Variants in TNR observed in about 807,000 individuals in gnomAD.
TNR encodes the protein tenascin-R.
In TNR, 45 loss-of-function variants were observed where a neutral mutation model predicts 150.4. The ratio of observed to expected loss-of-function variants is 0.30; its 90% confidence interval spans 0.24 to 0.38. TNR has a LOEUF of 0.38. TNR is among the 10% of genes least tolerant of loss of function. The probability of loss-of-function intolerance (pLI) is 1.00; values close to 1 mark genes in which losing one functional copy is unlikely to be tolerated. For synonymous variants in TNR, 687 were observed against 678.4 expected, an observed-to-expected ratio of 1.01 and a Z score of -0.20; for missense variants, 1,544 against 1,759.1, an observed-to-expected ratio of 0.88 and a Z score of 2.19.
At chr1:175,559,979 T>C (rs1436779397) in intron 1 of TNR, among the ~76,000 whole-genome samples, 4 of 152,252 alleles carry the variant, frequency 2.6e-5, no homozygotes, top group Non-Finnish European at 5.9e-5. Context: ...GATGATTGCC[T>C]CTTTTGTCCT....
intron 2 of TNR, among the ~76,000 whole-genome samples, chr1:175,489,544 C>G (rs923980311): frequency 6.6e-6 from 1 of 152,162 alleles, no homozygotes; most frequent in Non-Finnish European, 1.5e-5. Context: ...CCTGGGGAGA[C>G]CATGTAACCT....
chr1:175,491,754 G>A (rs1343690788), intron 2 of TNR, among the ~76,000 whole-genome samples: 2 of 147,334 alleles, frequency 1.4e-5, no homozygotes, highest in Admixed American at 7.0e-5. Context: ...GGTTCACGCC[G>A]TTCTCCTGCC....
chr1:175,529,089 G>A (rs951135875), intron 1 of TNR, among the ~76,000 whole-genome samples: 3 of 152,180 alleles, frequency 2.0e-5, no homozygotes, highest in East Asian at 1.9e-4. Flanking sequence ...GGGGTCCTAC[G>A]CAGATCTTCA....
chr1:175,526,071 G>A (rs140986159), intron 2 of TNR, among the ~76,000 whole-genome samples: 294 of 152,038 alleles, frequency 1.9e-3, no homozygotes, highest in African/African-American at 6.7e-3. Flanking sequence ...TCTGACGGAA[G>A]GGTATTAAGT....
chr1:175,470,636 C>A (rs1485718801), intron 2 of TNR, among the ~76,000 whole-genome samples: 1 of 152,114 alleles, frequency 6.6e-6, no homozygotes, highest in East Asian at 1.9e-4. Flanking sequence ...TTCAAACATT[C>A]TCTGAGTTGC....
intron 2 of TNR, among the ~76,000 whole-genome samples, chr1:175,434,212 G>A (rs1331933828): frequency 6.6e-6 from 1 of 152,156 alleles, no homozygotes; most frequent in African/African-American, 2.4e-5. Context: ...GAGAGCAGGC[G>A]TGAGGCAGAG....
At chr1:175,342,236 C>T (rs745488965) in intron 18 of TNR, among the ~76,000 whole-genome samples, 62 of 152,034 alleles carry the variant, frequency 4.1e-4, no homozygotes, top group Non-Finnish European at 5.9e-4. Context: ...TGGATGTGGG[C>T]GTGCAATGAT....
At chr1:175,554,172 C>T (rs1265672700) in intron 1 of TNR, among the ~76,000 whole-genome samples, 1 of 152,126 alleles carries the variant, frequency 6.6e-6, no homozygotes. Flanking sequence ...CAGAGCTCTG[C>T]ATTGCCAGAC....
chr1:175,677,095 G>A (rs1665887900), intron 1 of TNR, among the ~76,000 whole-genome samples: 1 of 152,196 alleles, frequency 6.6e-6, no homozygotes. Context: ...CCCTTGCTGG[G>A]CTACTGTTCA....
At chr1:175,717,360 G>T (rs1667183070) in intron 1 of TNR, among the ~76,000 whole-genome samples, 1 of 152,122 alleles carries the variant, frequency 6.6e-6, no homozygotes, top group African/African-American at 2.4e-5. Flanking sequence ...TGGGTGATGA[G>T]ATTAATCATA....
At chr1:175,331,050 T>TTTCTTTCTTTCTTTCCTTCC (rs1649782749) in intron 20 of TNR, among the ~76,000 whole-genome samples, 5 of 95,762 alleles carry the variant, frequency 5.2e-5, no homozygotes, top group African/African-American at 2.1e-4. Flanking sequence ...TCTTTCTTTC[T>TTTCTTTCTTTCTTTCCTTCC]TTCTTTCTTT....
At chr1:175,414,549 G>T (rs1654351786) in intron 2 of TNR, among the ~76,000 whole-genome samples, 1 of 152,200 alleles carries the variant, frequency 6.6e-6, no homozygotes, top group African/African-American at 2.4e-5. Context: ...CTCCACTCCA[G>T]CTTCCTTATC....
At chr1:175,458,442 C>A (rs889596946) in intron 2 of TNR, among the ~76,000 whole-genome samples, 1 of 152,176 alleles carries the variant, frequency 6.6e-6, no homozygotes, top group Admixed American at 6.5e-5. Context: ...CAAACATATA[C>A]ACAAGCTAAA....
chr1:175,567,663 G>A lies in TNR; in HGVS notation c.-164-39294C>T, dbSNP rs78152150. Among the ~76,000 whole-genome samples the A allele has an allele frequency of 1.7e-3, 257 of 152,240 alleles. 3 individuals are homozygous for A. In the East Asian group the frequency reaches 0.041, roughly 24 times the overall value. On this transcript the variant is annotated intron_variant, in intron 1 of 22. Transcript: ENST00000367674. ...GAAGAGAGTGGGGAGTGAGAAGGAG[G>A]AACCTGGGACCTCTGCCCCTGTATG...
chr1:175,331,777 A>G (rs982708014), intron 20 of TNR, among the ~76,000 whole-genome samples: 1 of 152,192 alleles, frequency 6.6e-6, no homozygotes, highest in Non-Finnish European at 1.5e-5. Flanking sequence ...ATTTAGAATC[A>G]AACAATTGCA....
Position 175,365,090 on chromosome 1 carries a change from G to A in TNR, c.2507C>T (p.Pro836Leu). 1 of 1,614,078 alleles carries A rather than the reference G, an allele frequency of 6.2e-7. No homozygotes were observed. Residue 836 changes from proline to leucine, a missense_variant, in exon 12 of 23, where the codon CCA becomes CTA. Physicochemically the swap from Pro to Leu is moderately conservative, Grantham distance 98. This residue lies in a region of TNR where 1,254 missense variants were observed against 1,329.4 expected (regional missense o/e 0.94). Coordinates refer to ENST00000367674, the MANE Select transcript of TNR (RefSeq NM_003285.3). ...AAGGTTCACAATATACTCTGTGGCT[G>A]GTTGCAGGCCCATCAGGACAGCATG... ...KRHAVLMGLQPATEYIVNLVA... is the reference protein window; with the variant it reads ...KRHAVLMGLQLATEYIVNLVA...
intron 2 of TNR, among the ~76,000 whole-genome samples, chr1:175,462,079 C>G (rs16848469): frequency 0.043 from 6,482 of 152,280 alleles, 230 homozygotes; most frequent in African/African-American, 0.096. Context: ...ATCCCAGGAC[C>G]TAAAATGCAA....
At chr1:175,392,721 T>C (rs919597167) in intron 6 of TNR, among the ~76,000 whole-genome samples, 3 of 152,170 alleles carry the variant, frequency 2.0e-5, no homozygotes, top group Non-Finnish European at 4.4e-5. Context: ...CATACAGATT[T>C]AGTGAACAGA....
intron 2 of TNR, among the ~76,000 whole-genome samples, chr1:175,527,353 G>A (rs1410339303): frequency 1.3e-5 from 2 of 152,168 alleles, no homozygotes; most frequent in African/African-American, 2.4e-5. Context: ...TGCCACTGAG[G>A]GTGTTCTGGG....
Sources: allele counts gnomAD v4.1 joint callset (sites outside exome capture counted in the v4.1 genomes callset), GRCh38; gene constraint gnomAD v4.1.1; regional missense constraint gnomAD v4.1.1; transcripts MANE v1.5; gene names NCBI Gene and HGNC (gene_info 2026-07-23, HGNC 2026-07-21).